Variants in CDKN2B-AS1 observed in about 807,000 individuals in gnomAD.
The protein encoded by CDKN2B-AS1 is CDKN2B and CDKN2A antisense cis and trans regulatory RNA 1, also known as CDKN2B antisense RNA 1 (non-protein coding).
Position 22,027,674 on chromosome 9 carries a change from T to C in CDKN2B-AS1, n.30-19077T>C, listed in dbSNP as rs984136568. On this transcript the variant is annotated intron_variant and non_coding_transcript_variant, in intron 1 of 4. Transcript: ENST00000650946. ...ATTCAGCAAATATTTATTGAGTGTC[T>C]GTTATGTCACAGGCACTCTTTTCGG... 3.9e-5 allele frequency among the ~76,000 whole-genome samples: 6 copies of C among 152,338 alleles called. No individual in the cohort carries two copies. The East Asian group carries it at 5.8e-4, about 15-fold the overall frequency.
chr9:22,056,233 T>TG (rs1563951299), intron 3 of CDKN2B-AS1: 1 of 107,284 alleles, frequency 9.3e-6, no homozygotes, highest in Non-Finnish European at 1.8e-5. Context: ...TATATATATA[T>TG]ATTTTTTTTT....
intron 4 of CDKN2B-AS1, among the ~76,000 whole-genome samples, chr9:22,121,886 T>A (rs1477962991): frequency 6.6e-6 from 1 of 152,122 alleles, no homozygotes; most frequent in East Asian, 1.9e-4. Flanking sequence ...GATATAATGA[T>A]TTTCTTTCCT....
At chr9:22,084,441 A>G (rs1488472064) in intron 4 of CDKN2B-AS1, among the ~76,000 whole-genome samples, 1 of 152,222 alleles carries the variant, frequency 6.6e-6, no homozygotes, top group Non-Finnish European at 1.5e-5. Flanking sequence ...AGTAAATTAT[A>G]TTTAATAGAA....
chr9:22,127,172 C>G (rs968708409), exon 5 of CDKN2B-AS1, among the ~76,000 whole-genome samples: 1 of 152,100 alleles, frequency 6.6e-6, no homozygotes, highest in Non-Finnish European at 1.5e-5. Context: ...ACCTCTGCTA[C>G]CCAGGTTCAA....
intron 4 of CDKN2B-AS1, among the ~76,000 whole-genome samples, chr9:22,110,835 C>T (rs1351515902): frequency 6.6e-6 from 1 of 152,128 alleles, no homozygotes; most frequent in Non-Finnish European, 1.5e-5. Flanking sequence ...CAAACATTAA[C>T]TTGTTTTCTT....
chr9:22,099,827 T>C (rs1563981476), intron 4 of CDKN2B-AS1, among the ~76,000 whole-genome samples: 1 of 152,168 alleles, frequency 6.6e-6, no homozygotes. Context: ...TGCACATGTA[T>C]GTATTCATAA....
chr9:22,003,243 T>G, intron 1 of CDKN2B-AS1: 1 of 217,806 alleles, frequency 4.6e-6, no homozygotes, highest in Non-Finnish European at 9.2e-6. Context: ...CAGGTGGTAA[T>G]TGATACCCAA....
At chr9:22,074,026 G>C (rs571854361) in intron 4 of CDKN2B-AS1, among the ~76,000 whole-genome samples, 43 of 152,080 alleles carry the variant, frequency 2.8e-4, no homozygotes, top group Admixed American at 7.2e-4. Flanking sequence ...ACCACACCTG[G>C]CTAATTTTTG....
intron 3 of CDKN2B-AS1, among the ~76,000 whole-genome samples, chr9:22,049,726 A>G (rs954320378): frequency 6.6e-6 from 1 of 152,234 alleles, no homozygotes; most frequent in African/African-American, 2.4e-5. Context: ...AATTCCAACA[A>G]TAAATTTGTT....
chr9:22,001,851 G>C lies in CDKN2B-AS1; in HGVS notation n.29+6690G>C, dbSNP rs1042622826. Reference sequence around the variant, plus strand: ...GAGTTAGCACTCATATATTGAATTAGTTAAGGAACCAATGTGGGAATCTAG... The same window carrying C: ...GAGTTAGCACTCATATATTGAATTACTTAAGGAACCAATGTGGGAATCTAG... On this transcript the variant is annotated intron_variant and non_coding_transcript_variant, in intron 1 of 4. Transcript: ENST00000650946. This position sits in a 1 kb window ranked among gnomAD's most constrained non-coding sequence, Gnocchi z 4.2. Among the ~76,000 whole-genome samples the C allele has an allele frequency of 2.6e-5, 4 of 152,070 alleles. No individual in the cohort carries two copies. Among genetic ancestry groups the C allele is most frequent in the African/African-American group, 9.7e-5 (4 of 41,434 alleles).
At chr9:22,049,408 A>G (rs969106109) in intron 3 of CDKN2B-AS1, among the ~76,000 whole-genome samples, 1 of 152,208 alleles carries the variant, frequency 6.6e-6, no homozygotes, top group African/African-American at 2.4e-5. Flanking sequence ...AAAGAAATGC[A>G]GCCCTTTAAA....
At chr9:22,013,918 A>G (rs1187603705) in intron 1 of CDKN2B-AS1, among the ~76,000 whole-genome samples, 3 of 151,900 alleles carry the variant, frequency 2.0e-5, no homozygotes, top group Non-Finnish European at 4.4e-5. Flanking sequence ...TGTATTTCTC[A>G]TAACTTATTA....
intron 4 of CDKN2B-AS1, chr9:22,112,505 T>G (rs1207609427): frequency 6.6e-6 from 1 of 152,202 alleles, no homozygotes; most frequent in Non-Finnish European, 1.5e-5. Flanking sequence ...TACACTATTA[T>G]GTGTGGCTGA....
intron 4 of CDKN2B-AS1, chr9:22,120,484 T>C (rs1043975204): frequency 4.2e-5 from 2 of 48,138 alleles, no homozygotes; most frequent in African/African-American, 8.5e-5. Flanking sequence ...CACTTCTACC[T>C]TTTTTTTCTC....
At chr9:22,059,976 G>T (rs554858354) in intron 4 of CDKN2B-AS1, among the ~76,000 whole-genome samples, 1 of 152,148 alleles carries the variant, frequency 6.6e-6, no homozygotes, top group African/African-American at 2.4e-5. Context: ...TGCCCATGGC[G>T]CAGGGACCCT....
intron 4 of CDKN2B-AS1, among the ~76,000 whole-genome samples, chr9:22,093,206 C>A (rs915801359): frequency 1.4e-5 from 2 of 145,320 alleles, no homozygotes. Flanking sequence ...AATTTCTGTT[C>A]TTTTACATTT....
At chr9:22,120,787 TATC>T (rs59052189) in intron 4 of CDKN2B-AS1, 147,926 of 150,692 alleles carry the variant, frequency 0.98, 72,613 homozygotes, top group African/African-American at 0.99. Context: ...TATCCATCAT[TATC>T]ATCATCATCA....
intron 4 of CDKN2B-AS1, among the ~76,000 whole-genome samples, chr9:22,059,356 C>T (rs1455411606): frequency 6.6e-6 from 1 of 152,156 alleles, no homozygotes; most frequent in Non-Finnish European, 1.5e-5. Context: ...AAAAGGGTTA[C>T]AGGGCCCATG....
At chr9:22,058,032 G>T (rs1823645765) in intron 4 of CDKN2B-AS1, among the ~76,000 whole-genome samples, 1 of 56,352 alleles carries the variant, frequency 1.8e-5, no homozygotes, top group African/African-American at 5.1e-5. Context: ...CAGGAGATTT[G>T]CTTGAAAAAA....
Sources: gnomAD v4.1 joint callset for allele counts (sites outside exome capture counted in the v4.1 genomes callset) on GRCh38, gnomAD v4.1.1 for gene constraint, Gnocchi (gnomAD v3.1) non-coding constraint, MANE v1.5 for transcripts, NCBI Gene and HGNC (gene_info 2026-07-23, HGNC 2026-07-21) for gene names.